The following MARCHF1 variants were observed in gnomAD, a reference collection of about 807,000 sequenced individuals.
MARCHF1 encodes the protein membrane associated ring-CH-type finger 1.
MARCHF1 carries 40 observed loss-of-function variants against 54.2 expected under a neutral mutation model. The ratio of observed to expected loss-of-function variants is 0.74; its 90% CI spans 0.57 to 0.96. The LOEUF (loss-of-function observed/expected upper bound fraction) is 0.96. MARCHF1 is among the 40% of genes least tolerant of loss of function. The probability of loss-of-function intolerance (pLI) is 0.00; values close to 1 mark genes in which losing one functional copy is unlikely to be tolerated. For synonymous variants in MARCHF1, 236 were observed against 236.3 expected (o/e 1.00, Z 0.01); for missense variants, 586 against 656.5 (o/e 0.89, Z 1.17).
intron 1 of MARCHF1, among the ~76,000 whole-genome samples, chr4:164,244,883 A>G (rs1177142476): frequency 3.3e-5 from 5 of 151,780 alleles, no homozygotes; most frequent in Non-Finnish European, 7.4e-5. Context: ...TCCTTGACAC[A>G]TACACTCTCC....
intron 3 of MARCHF1, among the ~76,000 whole-genome samples, chr4:163,949,457 C>T (rs558771255): frequency 1.3e-5 from 2 of 152,330 alleles, no homozygotes; most frequent in East Asian, 1.9e-4. Context: ...CTCTCCTTCT[C>T]GTCATCCACA....
At chr4:163,798,945 T>A (rs1230078707) in intron 4 of MARCHF1, among the ~76,000 whole-genome samples, 1 of 152,120 alleles carries the variant, frequency 6.6e-6, no homozygotes, top group East Asian at 1.9e-4. Context: ...ATGCATATTA[T>A]CAATGTTAGT....
chr4:163,848,388 A>T (rs1749546337), intron 4 of MARCHF1, among the ~76,000 whole-genome samples: 1 of 152,154 alleles, frequency 6.6e-6, no homozygotes. Context: ...TGGAGCCTCA[A>T]AAAATCATAA....
chr4:163,750,576 A>G (rs1045370008), intron 4 of MARCHF1, among the ~76,000 whole-genome samples: 1 of 152,070 alleles, frequency 6.6e-6, no homozygotes, highest in Admixed American at 6.5e-5. Context: ...CAAAGAGACC[A>G]TAAGGCCCAG....
At chr4:164,120,140 A>C (rs770881411) in intron 1 of MARCHF1, among the ~76,000 whole-genome samples, 14 of 152,126 alleles carry the variant, frequency 9.2e-5, no homozygotes, top group Non-Finnish European at 2.1e-4. Flanking sequence ...CAAGGGATAG[A>C]TACAGATATT....
chr4:164,085,409 C>G (rs1234006580), intron 2 of MARCHF1, among the ~76,000 whole-genome samples: 1 of 151,736 alleles, frequency 6.6e-6, no homozygotes, highest in Non-Finnish European at 1.5e-5. Flanking sequence ...AAAACATGCA[C>G]TTAAGGGAAA....
intron 4 of MARCHF1, among the ~76,000 whole-genome samples, chr4:163,848,518 A>G (rs1180885622): frequency 6.6e-6 from 1 of 152,004 alleles, no homozygotes; most frequent in Non-Finnish European, 1.5e-5. Context: ...AAAATCTTTC[A>G]CCTTCTTACT....
Position 164,021,557 on chromosome 4 carries a change from ACT to A in MARCHF1, c.-247-32850_-247-32849del, listed in dbSNP as rs956988762. Reference sequence around the variant, plus strand: ...TTTGCTTTTTGTATTATATCCCAAAACTCTTTGCCTGACAAAAAGACAAAATA... The same window carrying A: ...TTTGCTTTTTGTATTATATCCCAAAACTTTGCCTGACAAAAAGACAAAATA... On this transcript the variant is annotated intron_variant, in intron 2 of 9. Coordinates refer to ENST00000514618, the MANE Select transcript of MARCHF1 (RefSeq NM_001394959.1). Among the ~76,000 whole-genome samples, 22 of 150,264 alleles carry A rather than the reference ACT, an allele frequency of 1.5e-4. 1 individual carries two copies. Among genetic ancestry groups the A allele is most frequent in the African/African-American group, 4.9e-4 (20 of 40,674 alleles).
chr4:164,373,455 A>T (rs1475994470), intron 1 of MARCHF1, among the ~76,000 whole-genome samples: 1 of 149,274 alleles, frequency 6.7e-6, no homozygotes, highest in Non-Finnish European at 1.5e-5. Flanking sequence ...CCCAGGTTCA[A>T]GTGATTCTCC....
intron 3 of MARCHF1, among the ~76,000 whole-genome samples, chr4:163,941,082 T>A (rs529582282): frequency 3.3e-5 from 5 of 152,178 alleles, no homozygotes; most frequent in African/African-American, 1.2e-4. Context: ...AATTTAGAAG[T>A]CTTATGCTTG....
chr4:164,087,352 T>A (rs1005928898), intron 2 of MARCHF1, among the ~76,000 whole-genome samples: 1 of 152,106 alleles, frequency 6.6e-6, no homozygotes, highest in East Asian at 1.9e-4. Flanking sequence ...TATTTCAAAG[T>A]GATATTGAAT....
chr4:164,166,901 A>AG (rs1052287007), intron 1 of MARCHF1, among the ~76,000 whole-genome samples: 34 of 81,016 alleles, frequency 4.2e-4, no homozygotes, highest in Non-Finnish European at 1.2e-3. Context: ...GGTAAAAATA[A>AG]AAAAACAATG....
intron 1 of MARCHF1, among the ~76,000 whole-genome samples, chr4:164,184,099 T>A (rs1421497701): frequency 6.6e-6 from 1 of 152,122 alleles, no homozygotes; most frequent in African/African-American, 2.4e-5. Flanking sequence ...AGAAATTTTT[T>A]AAAAACCCTG....
chr4:164,024,908 G>T (rs895667556), intron 2 of MARCHF1, among the ~76,000 whole-genome samples: 1 of 152,024 alleles, frequency 6.6e-6, no homozygotes, highest in African/African-American at 2.4e-5. Context: ...CATGCAAATG[G>T]AAAACAAAAG....
chr4:164,294,937 T>C (rs1436565607), intron 1 of MARCHF1, among the ~76,000 whole-genome samples: 1 of 152,180 alleles, frequency 6.6e-6, no homozygotes, highest in Non-Finnish European at 1.5e-5. Context: ...TACCAGTATT[T>C]TAATGGGTGC....
At chr4:163,542,679 G>T (rs544521659) in intron 9 of MARCHF1, among the ~76,000 whole-genome samples, 2 of 152,164 alleles carry the variant, frequency 1.3e-5, no homozygotes, top group African/African-American at 4.8e-5. Context: ...TCACCTGTAG[G>T]CTTCTTCAGT....
At chr4:163,533,031 G>A (rs1214821880) in intron 9 of MARCHF1, among the ~76,000 whole-genome samples, 3 of 151,822 alleles carry the variant, frequency 2.0e-5, no homozygotes, top group South Asian at 2.1e-4. Flanking sequence ...AAAAACTTAC[G>A]TCCACACAAA....
chr4:163,875,547 C>T (rs1579358014), intron 3 of MARCHF1, among the ~76,000 whole-genome samples: 1 of 152,150 alleles, frequency 6.6e-6, no homozygotes, highest in Admixed American at 6.5e-5. Context: ...CCCTATCTTG[C>T]TCGGTGACAG....
chr4:164,156,906 C>CT (rs5863664), intron 1 of MARCHF1, among the ~76,000 whole-genome samples: 28,995 of 152,036 alleles, frequency 0.19, 4,405 homozygotes, highest in African/African-American at 0.41. Flanking sequence ...CATCTCACCC[C>CT]ATACTAGTTT....
Sources: gnomAD v4.1 joint callset for allele counts (sites outside exome capture counted in the v4.1 genomes callset) on GRCh38, gnomAD v4.1.1 for gene constraint, MANE v1.5 for transcripts, NCBI Gene and HGNC (gene_info 2026-07-23, HGNC 2026-07-21) for gene names.